TSGA10: variants seen among roughly 807,000 people sequenced by gnomAD.
TSGA10 encodes testis specific 10, also known as testis-specific gene 10 protein.
In TSGA10, 43 loss-of-function variants were observed where a neutral mutation model predicts 96.6. That is an observed-to-expected ratio of 0.44 (90% confidence interval 0.35 to 0.57). The LOEUF is 0.57. TSGA10 is among the 20% of genes least tolerant of loss of function. TSGA10 has a pLI of 0.01. For synonymous variants in TSGA10, 229 were observed against 269.9 expected (o/e 0.85, Z 1.48); for missense variants, 703 against 834.4 (o/e 0.84, Z 1.94).
chr2:99,124,135 C>T (rs889258252), intron 2 of TSGA10, among the ~76,000 whole-genome samples: 1 of 152,256 alleles, frequency 6.6e-6, no homozygotes, highest in African/African-American at 2.4e-5. Context: ...CTCACCAACA[C>T]TTGTTATTTT....
intron 17 of TSGA10, among the ~76,000 whole-genome samples, chr2:99,029,100 G>A (rs946918330): frequency 2.0e-5 from 3 of 152,194 alleles, no homozygotes; most frequent in Non-Finnish European, 4.4e-5. Flanking sequence ...TATAGTGGGA[G>A]AAAGTACCTT....
Position 99,072,188 on chromosome 2 carries a change from C to T in TSGA10, c.939-314G>A, listed in dbSNP as rs1425253626. On this transcript the variant is annotated intron_variant, in intron 13 of 20. Coordinates refer to ENST00000393483, the MANE Select transcript of TSGA10 (RefSeq NM_025244.4). ...ATGGCTTAGTCTCCTTTACAGATTC[C>T]TCTTCCTCTGCCCACTTAAAAATTA... 2.0e-5 allele frequency among the ~76,000 whole-genome samples: 3 copies of T among 152,226 alleles called. 1 individual carries two copies. Among genetic ancestry groups the T allele is most frequent in the Middle Eastern group, 6.8e-3 (2 of 294 alleles).
At chr2:99,128,031 A>G (rs954407696) in intron 1 of TSGA10, among the ~76,000 whole-genome samples, 5 of 152,198 alleles carry the variant, frequency 3.3e-5, no homozygotes, top group African/African-American at 1.2e-4. Context: ...ACTTAGGAAA[A>G]CAATTTTTTC....
At chr2:99,022,550 T>C (rs1232341437) in intron 17 of TSGA10, among the ~76,000 whole-genome samples, 4 of 152,156 alleles carry the variant, frequency 2.6e-5, no homozygotes, top group African/African-American at 4.8e-5. Flanking sequence ...TTTTATTGCC[T>C]AATAATATTC....
At chr2:99,002,243 C>A (rs4428061) in intron 20 of TSGA10, among the ~76,000 whole-genome samples, 86,186 of 152,012 alleles carry the variant, frequency 0.57, 26,173 homozygotes, top group African/African-American at 0.79. Flanking sequence ...AAGAAAGGTC[C>A]GGTTACCCAC....
At chr2:99,092,989 T>C (rs759961307) in intron 10 of TSGA10, among the ~76,000 whole-genome samples, 17 of 152,134 alleles carry the variant, frequency 1.1e-4, no homozygotes, top group Non-Finnish European at 1.5e-4. Flanking sequence ...TGAATATAGA[T>C]GCAAAAATCC....
chr2:99,055,232 T>A (rs948019524), intron 16 of TSGA10, among the ~76,000 whole-genome samples: 2 of 152,122 alleles, frequency 1.3e-5, no homozygotes, highest in African/African-American at 2.4e-5. Flanking sequence ...TAGAGGTTCA[T>A]TATGCTAAGT....
intron 13 of TSGA10, among the ~76,000 whole-genome samples, chr2:99,072,351 C>G (rs575922935): frequency 6.6e-6 from 1 of 152,198 alleles, no homozygotes; most frequent in Admixed American, 6.5e-5. Context: ...CAGTTTTAGA[C>G]CCTCTGTTAT....
intron 16 of TSGA10, among the ~76,000 whole-genome samples, chr2:99,061,716 C>A (rs184755435): frequency 1.3e-5 from 2 of 152,282 alleles, no homozygotes; most frequent in South Asian, 2.1e-4. Context: ...ATATTCCTCA[C>A]GGCCAAAAAC....
In TSGA10 at chr2:99,101,994, G is replaced by T. The variant is rs923332788; in HGVS notation, c.611+1973C>A. 13 of 1,047,890 alleles carry T rather than the reference G, an allele frequency of 1.2e-5. No individual in the cohort carries two copies. In the African/African-American group the frequency reaches 1.7e-4, roughly 14 times the overall value. The allele number at this position is 1,047,890 out of a possible 1,614,324, so 64.9% of individuals were successfully genotyped here. A position where few individuals can be genotyped will look rare whatever the true frequency, so the allele number is the denominator to read the frequency against. ...ACTGTTCTTACATTTAACAATACCG[G>T]ATTATACACTTAAAATTTTGTTAAC... On this transcript the variant is annotated intron_variant, in intron 10 of 20. Transcript: ENST00000393483.
intron 20 of TSGA10, among the ~76,000 whole-genome samples, chr2:99,006,045 G>C (rs2078437648): frequency 6.6e-6 from 1 of 152,088 alleles, no homozygotes; most frequent in South Asian, 2.1e-4. Flanking sequence ...AATGGGGAAA[G>C]GATTCCCTAT....
At chr2:99,041,186 G>A (rs2104211317) in intron 16 of TSGA10, among the ~76,000 whole-genome samples, 1 of 152,356 alleles carries the variant, frequency 6.6e-6, no homozygotes. Context: ...CTGCAGTAAG[G>A]ATGACCCAAA....
intron 11 of TSGA10, among the ~76,000 whole-genome samples, chr2:99,080,799 A>T (rs1331886089): frequency 6.6e-6 from 1 of 152,164 alleles, no homozygotes; most frequent in African/African-American, 2.4e-5. Context: ...CTGATCACTA[A>T]CAAGAAACAT....
At chr2:99,016,704 G>C (rs1299847085) in intron 20 of TSGA10, among the ~76,000 whole-genome samples, 2 of 152,160 alleles carry the variant, frequency 1.3e-5, no homozygotes, top group African/African-American at 4.8e-5. Flanking sequence ...AGAGTAAACA[G>C]ACAACCCACA....
intron 16 of TSGA10, among the ~76,000 whole-genome samples, chr2:99,041,670 C>T (rs946188900): frequency 6.6e-6 from 1 of 152,120 alleles, no homozygotes; most frequent in Non-Finnish European, 1.5e-5. Flanking sequence ...TCACCTTATA[C>T]AAAAATCAAC....
At chr2:99,041,487 T>G (rs959096129) in intron 16 of TSGA10, among the ~76,000 whole-genome samples, 2 of 152,118 alleles carry the variant, frequency 1.3e-5, no homozygotes, top group Admixed American at 1.3e-4. Flanking sequence ...AATAGGCACA[T>G]AGACCAATGG....
chr2:99,029,939 A>G (rs2080982750), intron 17 of TSGA10, among the ~76,000 whole-genome samples: 1 of 152,232 alleles, frequency 6.6e-6, no homozygotes, highest in South Asian at 2.1e-4. Context: ...AACTGTTCTT[A>G]TTTTCAGATA....
At chr2:99,061,648 C>G (rs1441452773) in intron 16 of TSGA10, among the ~76,000 whole-genome samples, 2 of 151,870 alleles carry the variant, frequency 1.3e-5, no homozygotes, top group Non-Finnish European at 2.9e-5. Context: ...GTTATTTATC[C>G]AAGAAAAATG....
chr2:99,129,209 A>G (rs534879154), intron 1 of TSGA10, among the ~76,000 whole-genome samples: 2 of 152,154 alleles, frequency 1.3e-5, no homozygotes, highest in South Asian at 2.1e-4. Context: ...CTCTTAATTG[A>G]TATTTATATA....
Sources: gnomAD v4.1 joint callset for allele counts (sites outside exome capture counted in the v4.1 genomes callset) on GRCh38, gnomAD v4.1.1 for gene constraint, MANE v1.5 for transcripts, NCBI Gene and HGNC (gene_info 2026-07-23, HGNC 2026-07-21) for gene names.